RBPJ: variants seen among roughly 807,000 people sequenced by gnomAD.
RBPJ encodes recombination signal binding protein for immunoglobulin kappa J region.
In RBPJ, 9 loss-of-function variants were observed where a neutral mutation model predicts 67.8. The observed-to-expected ratio is 0.13, with a 90% CI of 0.08 to 0.23. The LOEUF (loss-of-function observed/expected upper bound fraction) is 0.23, where lower values mean the gene tolerates loss of function less well. Among genes scored for constraint, RBPJ ranks in the 10% least tolerant of loss-of-function variants. The pLI is 1.00. For missense variants in RBPJ, 305 were observed against 595.6 expected (o/e 0.51, Z 5.08); for synonymous variants, 198 against 203.3 (o/e 0.97, Z 0.22).
At chr4:26,325,974 T>A (rs936072733) in intron 1 of RBPJ, among the ~76,000 whole-genome samples, 1 of 152,206 alleles carries the variant, frequency 6.6e-6, no homozygotes, top group Admixed American at 6.5e-5. Context: ...GTTGTAATTA[T>A]CACACCCAAA....
chr4:26,143,005 C>T, the RBPJ span, among the ~76,000 whole-genome samples: 8 of 152,208 alleles, frequency 5.3e-5, no homozygotes, highest in African/African-American at 1.4e-4. Flanking sequence ...TGGTCTCAAA[C>T]TCTTAACCTC....
intron 1 of RBPJ, among the ~76,000 whole-genome samples, chr4:26,340,581 CG>C (rs1725403426): frequency 6.6e-6 from 1 of 151,948 alleles, no homozygotes; most frequent in Non-Finnish European, 1.5e-5. Context: ...ATATTGGGGC[CG>C]GGCGGGGTAG....
intron 1 of RBPJ, among the ~76,000 whole-genome samples, chr4:26,338,156 C>CTTTTTT (rs773976269): frequency 3.9e-4 from 35 of 88,988 alleles, no homozygotes; most frequent in African/African-American, 4.6e-4. Flanking sequence ...ATTTTTCTTT[C>CTTTTTT]TTTTTTTTTT....
At chr4:26,183,311 T>C (rs971276296) in intron 1 of RBPJ, among the ~76,000 whole-genome samples, 1 of 152,230 alleles carries the variant, frequency 6.6e-6, no homozygotes, top group African/African-American at 2.4e-5. Flanking sequence ...CACCCTCATA[T>C]ATGTGGCCCA....
chr4:26,219,125 G>A (rs1435597913), intron 1 of RBPJ, among the ~76,000 whole-genome samples: 2 of 152,194 alleles, frequency 1.3e-5, no homozygotes, highest in Non-Finnish European at 2.9e-5. Flanking sequence ...ATGAGTCAAA[G>A]GGAAATAAGG....
In RBPJ at chr4:26,433,348, C is replaced by T. The variant is rs1736397270; in HGVS notation, c.*2341C>T. Reference sequence around the variant, plus strand: ...TGGACATGTTCCTAGTGCTGCTTTGCTTTAACGGCCACAAGTTTCCTCCAC... The same window carrying T: ...TGGACATGTTCCTAGTGCTGCTTTGTTTTAACGGCCACAAGTTTCCTCCAC... On this transcript the variant is annotated 3_prime_UTR_variant, in exon 11 of 11. Transcript: ENST00000355476. The T allele has an allele frequency of 6.6e-6, 1 of 152,154 alleles. No individual in the cohort carries two copies. Among genetic ancestry groups the T allele is most frequent in the African/African-American group, 2.4e-5 (1 of 41,430 alleles). 9.4% of individuals were successfully genotyped at this position (152,154 alleles called of 1,614,324 possible).
intron 1 of RBPJ, among the ~76,000 whole-genome samples, chr4:26,376,763 A>C (rs1456251088): frequency 1.3e-5 from 2 of 152,200 alleles, no homozygotes; most frequent in African/African-American, 2.4e-5. Flanking sequence ...GAAAGGTTCC[A>C]CTTTTCCCCA....
chr4:26,335,062 C>T (rs1372464195), intron 1 of RBPJ, among the ~76,000 whole-genome samples: 2 of 152,118 alleles, frequency 1.3e-5, no homozygotes, highest in Non-Finnish European at 2.9e-5. Flanking sequence ...GTGATACCAT[C>T]CTATAAAATA....
At chr4:26,407,461 G>A (rs771750380) in intron 3 of RBPJ, among the ~76,000 whole-genome samples, 3 of 152,126 alleles carry the variant, frequency 2.0e-5, no homozygotes, top group Admixed American at 2.0e-4. Context: ...ATTATTTATT[G>A]TGGTATTCTA....
At chr4:26,300,368 C>T (rs936382902) in intron 1 of RBPJ, among the ~76,000 whole-genome samples, 1 of 152,132 alleles carries the variant, frequency 6.6e-6, no homozygotes, top group African/African-American at 2.4e-5. Context: ...TAGACTTTAA[C>T]TAAAGGAAGG....
chr4:26,339,586 A>G (rs1012055995), intron 1 of RBPJ, among the ~76,000 whole-genome samples: 6 of 152,190 alleles, frequency 3.9e-5, no homozygotes, highest in Non-Finnish European at 5.9e-5. Context: ...GTGAGCTGAG[A>G]TCGTGCCACT....
the RBPJ span, among the ~76,000 whole-genome samples, chr4:26,147,141 G>A: frequency 1.3e-5 from 2 of 152,204 alleles, no homozygotes; most frequent in South Asian, 4.1e-4. Context: ...TGTAGAAAAT[G>A]CATTCCAAAA....
chr4:26,179,954 C>G (rs1346593900), intron 1 of RBPJ, among the ~76,000 whole-genome samples: 1 of 152,124 alleles, frequency 6.6e-6, no homozygotes, highest in Non-Finnish European at 1.5e-5. Context: ...CTGGTTAAAG[C>G]AAATGTGGTA....
the RBPJ span, among the ~76,000 whole-genome samples, chr4:26,109,513 TAC>T: frequency 4.2e-5 from 2 of 47,474 alleles, no homozygotes; most frequent in Admixed American, 4.6e-4. Flanking sequence ...TATATATATA[TAC>T]ACACACACAT....
At chr4:26,205,280 G>C (rs1718130763) in intron 1 of RBPJ, among the ~76,000 whole-genome samples, 1 of 152,242 alleles carries the variant, frequency 6.6e-6, no homozygotes, top group Admixed American at 6.5e-5. Context: ...CCAGCTGCCA[G>C]TGTGGAGTAT....
At chr4:26,326,720 T>A (rs140111328) in intron 1 of RBPJ, among the ~76,000 whole-genome samples, 13 of 152,304 alleles carry the variant, frequency 8.5e-5, no homozygotes, top group Non-Finnish European at 1.8e-4. Context: ...AATGAAACAG[T>A]GTATGTGTAA....
intron 1 of RBPJ, among the ~76,000 whole-genome samples, chr4:26,198,241 C>T (rs979018162): frequency 1.8e-4 from 26 of 147,416 alleles, no homozygotes; most frequent in African/African-American, 5.6e-4. Context: ...GCAACAAGAG[C>T]GAAACTCCAT....
At chr4:26,162,177 G>T (rs1001467118), upstream of RBPJ, among the ~76,000 whole-genome samples, 2 of 152,356 alleles carry the variant, frequency 1.3e-5, no homozygotes, top group African/African-American at 4.8e-5. Context: ...ACACAGGACA[G>T]AGAAACTCAA....
intron 5 of RBPJ, among the ~76,000 whole-genome samples, chr4:26,421,294 AT>A (rs1735113570): frequency 6.6e-6 from 1 of 151,444 alleles, no homozygotes; most frequent in African/African-American, 2.4e-5. Flanking sequence ...TTAACTTTTT[AT>A]TATGGAGACT....
Sources: gnomAD v4.1 joint callset for allele counts (sites outside exome capture counted in the v4.1 genomes callset) on GRCh38, gnomAD v4.1.1 for gene constraint, MANE v1.5 for transcripts, NCBI Gene and HGNC (gene_info 2026-07-23, HGNC 2026-07-21) for gene names.